Variants in FBXW2 observed in about 807,000 individuals in gnomAD.
The protein encoded by FBXW2 is F-box/WD repeat-containing protein 2.
FBXW2 carries 12 observed loss-of-function variants against 46.0 expected under a neutral mutation model. The ratio of observed to expected loss-of-function variants is 0.26; its 90% CI spans 0.17 to 0.42. FBXW2 has a LOEUF of 0.42. Ranked by LOEUF, FBXW2 falls within the 10% of genes least tolerant of loss-of-function variation. FBXW2 has a pLI of 1.00. For missense variants in FBXW2, 360 were observed against 537.0 expected, an observed-to-expected ratio of 0.67 and a Z score of 3.26; for synonymous variants, 203 against 209.6, an observed-to-expected ratio of 0.97 and a Z score of 0.27.
At chr9:120,787,354 G>T (rs376796138) in intron 3 of FBXW2, among the ~76,000 whole-genome samples, 2 of 152,268 alleles carry the variant, frequency 1.3e-5, no homozygotes, top group Admixed American at 1.3e-4. Context: ...TAAAGATACA[G>T]AGAGGTTAAG....
At chr9:120,792,797 G>A (rs2044876889) in intron 2 of FBXW2, 1 of 1,134,838 alleles carries the variant, frequency 8.8e-7, no homozygotes, top group Non-Finnish European at 1.2e-6. Context: ...TCGGCACGCT[G>A]TAAGCCTACA....
At chr9:120,774,004 A>G (rs988279243) in intron 5 of FBXW2, among the ~76,000 whole-genome samples, 11 of 152,116 alleles carry the variant, frequency 7.2e-5, no homozygotes, top group Non-Finnish European at 1.6e-4. Flanking sequence ...CAGCCTGGGC[A>G]ACACAGCAAG....
intron 7 of FBXW2, among the ~76,000 whole-genome samples, chr9:120,769,929 C>T (rs2044340991): frequency 6.6e-6 from 1 of 152,178 alleles, no homozygotes; most frequent in African/African-American, 2.4e-5. Context: ...CTGATTCTGA[C>T]AGCTCTGAAA....
intron 7 of FBXW2, among the ~76,000 whole-genome samples, chr9:120,766,788 G>C (rs1286999427): frequency 6.6e-6 from 1 of 152,216 alleles, no homozygotes. Context: ...AATGCAGTTA[G>C]GTAGAGGTAT....
In FBXW2 at chr9:120,764,606, T is replaced by C; in HGVS notation, c.1318A>G (p.Met440Val). The change falls in exon 8 of 8, where the codon ATG becomes GTG. Residue 440 changes from methionine (M) to valine (V), a missense_variant. Physicochemically the swap from Met to Val is conservative, Grantham distance 21. Coordinates refer to ENST00000608872, the MANE Select transcript of FBXW2 (RefSeq NM_012164.4). ...NDTGLVFATS[M>V]PDHSIHLVLW... ...ACCAGGTGAATACTGTGGTCAGGCA[T>C]GCTGGTGGCAAAGACCAAGCCCGTG... is the stretch of plus-strand genomic sequence containing the variant. 6.2e-7 allele frequency: 1 copy of C among 1,614,226 alleles called. No homozygotes were observed. The highest frequency in any genetic ancestry group is 8.5e-7 in the Non-Finnish European group (1 of 1,180,024).
At position 120,763,149 on chromosome 9, in the gene FBXW2, A is replaced by G. The variant is rs1462090210; in HGVS notation, c.*1410T>C. On this transcript the variant is annotated 3_prime_UTR_variant, in exon 8 of 8. Coordinates refer to ENST00000608872, the MANE Select transcript of FBXW2 (RefSeq NM_012164.4). ...TGGATTTCTAGCTCCTCCTGAAACA[A>G]TGTGAAGACCTGCCAACCCTGGGCT... 1 of 152,228 alleles carries G rather than the reference A, an allele frequency of 6.6e-6. No homozygotes were observed. Among genetic ancestry groups the G allele is most frequent in the Non-Finnish European group, 1.5e-5 (1 of 68,044 alleles). The allele number at this position is 152,228 out of a possible 1,614,324, so 9.4% of individuals were successfully genotyped here. A position where few individuals can be genotyped will look rare whatever the true frequency, so the allele number is the denominator to read the frequency against.
At chr9:120,784,424 C>T (rs541576079) in intron 3 of FBXW2, among the ~76,000 whole-genome samples, 1 of 151,952 alleles carries the variant, frequency 6.6e-6, no homozygotes, top group African/African-American at 2.4e-5. Context: ...CCAGCCTGGG[C>T]AACATGGTGA....
chr9:120,781,853 T>A (rs747887230), intron 3 of FBXW2, among the ~76,000 whole-genome samples: 3 of 151,500 alleles, frequency 2.0e-5, no homozygotes, highest in African/African-American at 7.3e-5. Flanking sequence ...AGAAATCCCA[T>A]CTCTAATAAA....
intron 3 of FBXW2, among the ~76,000 whole-genome samples, chr9:120,787,514 T>C (rs2044748177): frequency 6.6e-6 from 1 of 152,156 alleles, no homozygotes; most frequent in Admixed American, 6.5e-5. Flanking sequence ...AAAAGTAATC[T>C]ATAGCTTTGT....
At chr9:120,781,205 C>T (rs1368045007) in intron 3 of FBXW2, among the ~76,000 whole-genome samples, 1 of 152,202 alleles carries the variant, frequency 6.6e-6, no homozygotes, top group Non-Finnish European at 1.5e-5. Context: ...CTCTCTTCTG[C>T]TGGATTTGGC....
chr9:120,790,102 ATT>A (rs940740520), intron 2 of FBXW2, among the ~76,000 whole-genome samples: 22 of 152,302 alleles, frequency 1.4e-4, no homozygotes, highest in African/African-American at 5.3e-4. Context: ...AAAAATAATA[ATT>A]TGCAACAAGA....
At position 120,761,171 on chromosome 9, in the gene FBXW2, T is replaced by C. The variant is rs924451707; in HGVS notation, c.*3388A>G. The C allele has an allele frequency of 6.6e-6, 1 of 152,246 alleles. No individual in the cohort carries two copies. Among genetic ancestry groups the C allele is most frequent in the Admixed American group, 6.5e-5 (1 of 15,280 alleles). 9.4% of individuals were successfully genotyped at this position (152,246 alleles called of 1,614,324 possible). ...AGTCAGATTTGGCAATGTGTATTACTTCAAATGATTGAGCTGGAGGAAACT... is the reference window on the plus strand; with the variant it reads ...AGTCAGATTTGGCAATGTGTATTACCTCAAATGATTGAGCTGGAGGAAACT... On this transcript the variant is annotated 3_prime_UTR_variant, in exon 8 of 8. Transcript: ENST00000608872.
intron 7 of FBXW2, among the ~76,000 whole-genome samples, chr9:120,765,385 G>A (rs191634187): frequency 3.9e-5 from 6 of 152,232 alleles, no homozygotes; most frequent in Non-Finnish European, 8.8e-5. Flanking sequence ...GTGAGCCACC[G>A]CACCCGGCCT....
chr9:120,761,465 T>C lies in FBXW2; in HGVS notation c.*3094A>G, dbSNP rs968480342. 1 of 152,152 alleles carries C rather than the reference T, an allele frequency of 6.6e-6. No individual in the cohort carries two copies. Among genetic ancestry groups the C allele is most frequent in the African/African-American group, 2.4e-5 (1 of 41,438 alleles). 9.4% of individuals were successfully genotyped at this position (152,152 alleles called of 1,614,324 possible). Reference sequence around the variant, plus strand: ...AAAGGCAATTCCCTTACCTATGCGCTAAGGAAGCCAAAGTCAGTGTGTGCA... The same window carrying C: ...AAAGGCAATTCCCTTACCTATGCGCCAAGGAAGCCAAAGTCAGTGTGTGCA... On this transcript the variant is annotated 3_prime_UTR_variant, in exon 8 of 8. Transcript: ENST00000608872.
rs1174908899 is a variant in FBXW2, at chr9:120,768,468, T to C, written c.1076+2880A>G. On this transcript the variant is annotated intron_variant, in intron 7 of 7. Coordinates refer to ENST00000608872, the MANE Select transcript of FBXW2 (RefSeq NM_012164.4). ...CACAAAGGTGGGTGCTCAATGAATATCTAAAGAATAAAGTAGTGGTGAAAT... is the reference window on the plus strand; with the variant it reads ...CACAAAGGTGGGTGCTCAATGAATACCTAAAGAATAAAGTAGTGGTGAAAT... 2.0e-5 allele frequency among the ~76,000 whole-genome samples: 3 copies of C among 152,160 alleles called. No individual in the cohort carries two copies. The East Asian group carries it at 5.8e-4, about 29-fold the overall frequency.
chr9:120,757,692 G>C lies in FBXW2; in HGVS notation c.*6867C>G, dbSNP rs1264606191. On this transcript the variant is annotated 3_prime_UTR_variant, in exon 8 of 8. Coordinates refer to ENST00000608872, the MANE Select transcript of FBXW2 (RefSeq NM_012164.4). ...GAGCTCTGGGTAATTTTCTCCATAA[G>C]TTTTTATTACTGTTAGATTATCTTT... 6.6e-6 allele frequency: 1 copy of C among 152,298 alleles called. No homozygotes were observed. The highest frequency in any genetic ancestry group is 1.9e-4 in the East Asian group (1 of 5,192). 9.4% of individuals were successfully genotyped at this position (152,298 alleles called of 1,614,324 possible).
intron 7 of FBXW2, among the ~76,000 whole-genome samples, chr9:120,771,066 C>T (rs959095362): frequency 3.3e-5 from 5 of 152,208 alleles, no homozygotes; most frequent in Admixed American, 3.3e-4. Context: ...ATCCATGCCC[C>T]TCATTTTCCA....
At chr9:120,767,907 C>G (rs139712912) in intron 7 of FBXW2, among the ~76,000 whole-genome samples, 1 of 152,230 alleles carries the variant, frequency 6.6e-6, no homozygotes, top group East Asian at 1.9e-4. Flanking sequence ...TCCAAGACAC[C>G]ATCTTTTGCC....
chr9:120,762,909 A>T lies in FBXW2; in HGVS notation c.*1650T>A, dbSNP rs964812804. The T allele has an allele frequency of 3.3e-5, 5 of 152,110 alleles. No homozygotes were observed. Among genetic ancestry groups the T allele is most frequent in the Admixed American group, 3.3e-4 (5 of 15,276 alleles). 9.4% of individuals were successfully genotyped at this position (152,110 alleles called of 1,614,324 possible). A position where few individuals can be genotyped will look rare whatever the true frequency, so the allele number is the denominator to read the frequency against. ...GTAATACAAGGGGAGACAGCTGAAG[A>T]GCGGCTGAGATTTTTCTACTGCTTG... On this transcript the variant is annotated 3_prime_UTR_variant, in exon 8 of 8. Transcript: ENST00000608872.
Sources: allele counts gnomAD v4.1 joint callset (sites outside exome capture counted in the v4.1 genomes callset), GRCh38; gene constraint gnomAD v4.1.1; transcripts MANE v1.5; gene names NCBI Gene and HGNC (gene_info 2026-07-23, HGNC 2026-07-21).